The following SCUBE1 variants were observed in gnomAD, a reference collection of about 807,000 sequenced individuals.
The protein encoded by SCUBE1 is signal peptide, CUB domain and EGF like domain containing 1.
SCUBE1 carries 59 observed loss-of-function variants against 124.4 expected under a neutral mutation model. That is an observed-to-expected ratio of 0.47 (90% confidence interval 0.38 to 0.59). The LOEUF is 0.59. Among genes scored for constraint, SCUBE1 ranks in the 20% least tolerant of loss-of-function variants. The pLI is 0.00. For missense variants in SCUBE1, 1,150 were observed against 1,371.2 expected (o/e 0.84, Z 2.55); for synonymous variants, 545 against 550.9 (o/e 0.99, Z 0.15).
Position 43,343,207 on chromosome 22 carries a change from G to A in SCUBE1, c.55C>T (p.Arg19Cys), listed in dbSNP as rs1360071593. Residue 19 changes from arginine to cysteine, a missense_variant, in exon 1 of 22, where the codon CGC (arginine) becomes TGC (cysteine). Physicochemically the swap from Arg to Cys is radical, Grantham distance 180. Coordinates refer to ENST00000360835, the MANE Select transcript of SCUBE1 (RefSeq NM_173050.5). Reference protein sequence around the residue: ...HLCVLLALGTRGRLAGGSGLP... With the variant: ...HLCVLLALGTCGRLAGGSGLP... ...CCGCTGCCCCCGGCCAGCCGCCCGC[G>A]TGTGCCCAGGGCCAGCAGCACGCAC... The A allele has an allele frequency of 2.5e-6, 3 of 1,207,476 alleles. No individual in the cohort carries two copies. The highest frequency in any genetic ancestry group is 3.1e-6 in the Non-Finnish European group (3 of 966,894). 74.8% of individuals were successfully genotyped at this position (1,207,476 alleles called of 1,614,324 possible).
At position 43,203,505 on chromosome 22, in the gene SCUBE1, G is replaced by A. The variant is rs114922639; in HGVS notation, c.*492C>T. The A allele has an allele frequency of 0.016, 2,502 of 157,490 alleles. 77 individuals are homozygous for A. The highest frequency in any genetic ancestry group is 0.058 in the African/African-American group (2,403 of 41,514). The allele number at this position is 157,490 out of a possible 1,614,324, so 9.8% of individuals were successfully genotyped here. ...CAGAACCCTTAGAGCGCAACAGCCCGGAGCCGTGGCCTTGCCTGTGGCTGG... is the reference window on the plus strand; with the variant it reads ...CAGAACCCTTAGAGCGCAACAGCCCAGAGCCGTGGCCTTGCCTGTGGCTGG... On this transcript the variant is annotated 3_prime_UTR_variant, in exon 22 of 22. Transcript: ENST00000360835.
At chr22:43,331,848 C>A (rs1055963475) in intron 2 of SCUBE1, among the ~76,000 whole-genome samples, 1 of 152,138 alleles carries the variant, frequency 6.6e-6, no homozygotes, top group African/African-American at 2.4e-5. Context: ...AAGGCCCATG[C>A]CCCAGGGGCC....
rs909587531 is a variant in SCUBE1, at chr22:43,209,960, C to T, written c.2581+83G>A. Reference sequence around the variant, plus strand: ...CCTCCTCTCTGCCCTGTGAAGGCAGCGATCCCGCCTGGCAGAACCGCAGCG... The same window carrying T: ...CCTCCTCTCTGCCCTGTGAAGGCAGTGATCCCGCCTGGCAGAACCGCAGCG... On this transcript the variant is annotated intron_variant, in intron 19 of 21. Transcript: ENST00000360835. 68 of 1,427,098 alleles carry T rather than the reference C, an allele frequency of 4.8e-5. 1 individual carries two copies. The highest frequency in any genetic ancestry group is 2.4e-4 in the South Asian group (18 of 74,560). The allele number at this position is 1,427,098 out of a possible 1,614,324, so 88.4% of individuals were successfully genotyped here. A position where few individuals can be genotyped will look rare whatever the true frequency, so the allele number is the denominator to read the frequency against.
chr22:43,340,429 T>C (rs1245824612), intron 1 of SCUBE1, among the ~76,000 whole-genome samples: 3 of 151,518 alleles, frequency 2.0e-5, no homozygotes, highest in Admixed American at 1.3e-4. Context: ...GCAAAATAGA[T>C]TCTGTGTATC....
chr22:43,243,063 G>A (rs529744292), intron 6 of SCUBE1, among the ~76,000 whole-genome samples: 10 of 152,334 alleles, frequency 6.6e-5, no homozygotes, highest in South Asian at 6.2e-4. Flanking sequence ...GAAACCAATC[G>A]TGGGCCCTTC....
chr22:43,205,862 C>T (rs1921235474), intron 21 of SCUBE1, among the ~76,000 whole-genome samples: 2 of 116,512 alleles, frequency 1.7e-5, no homozygotes, highest in Non-Finnish European at 1.8e-5. Flanking sequence ...CACTCACCCC[C>T]ACACACACCA....
At position 43,343,175 on chromosome 22, in the gene SCUBE1, T is replaced by C; in HGVS notation, c.87A>G (p.Pro29=). 1 of 1,172,112 alleles carries C rather than the reference T, an allele frequency of 8.5e-7. No individual in the cohort carries two copies. 72.6% of individuals were successfully genotyped at this position (1,172,112 alleles called of 1,614,324 possible). The change falls in exon 1 of 22, where the codon CCA becomes CCG. Residue 29 remains proline (P), a splice_region_variant and synonymous_variant. Transcript: ENST00000360835. ...RGRLAGGSGL[P]GSVDVDECSE... ...CCCCCACCTCGGTCGGGGGCTTACC[T>C]GGGAGCCCGCTGCCCCCGGCCAGCC...
chr22:43,301,936 G>A (rs1925788507), intron 3 of SCUBE1, among the ~76,000 whole-genome samples: 2 of 152,250 alleles, frequency 1.3e-5, no homozygotes, highest in African/African-American at 2.4e-5. Context: ...GCTGCCGTAT[G>A]CTGCAAAGTG....
chr22:43,330,949 C>T (rs1330399333), intron 2 of SCUBE1, among the ~76,000 whole-genome samples: 1 of 152,136 alleles, frequency 6.6e-6, no homozygotes, highest in Non-Finnish European at 1.5e-5. Flanking sequence ...CCCCTTCTCT[C>T]CCCGCTGAGC....
At position 43,319,859 on chromosome 22, in the gene SCUBE1, T is replaced by C. The variant is rs1926483058; in HGVS notation, c.349+78A>G. Reference sequence around the variant, plus strand: ...AGCCAAAGGAAGGAGAACCTTCTCATGGCTCCCAACTCTGTAAGCTGGAGC... The same window carrying C: ...AGCCAAAGGAAGGAGAACCTTCTCACGGCTCCCAACTCTGTAAGCTGGAGC... On this transcript the variant is annotated intron_variant, in intron 3 of 21. Coordinates refer to ENST00000360835, the MANE Select transcript of SCUBE1 (RefSeq NM_173050.5). 7.8e-6 allele frequency: 12 copies of C among 1,541,558 alleles called. No individual in the cohort carries two copies. In the South Asian group the frequency reaches 1.2e-4, roughly 16 times the overall value.
intron 6 of SCUBE1, among the ~76,000 whole-genome samples, chr22:43,243,080 C>T (rs929605975): frequency 9.2e-5 from 14 of 152,194 alleles, no homozygotes; most frequent in Admixed American, 1.3e-4. Flanking sequence ...CTTCTAAGGG[C>T]GGGGTCCTGG....
At chr22:43,340,794 G>T (rs1310419578) in intron 1 of SCUBE1, among the ~76,000 whole-genome samples, 1 of 152,192 alleles carries the variant, frequency 6.6e-6, no homozygotes, top group South Asian at 2.1e-4. Context: ...CAGGAGTGCA[G>T]CAGTGCAAGG....
At chr22:43,235,849 C>G (rs1285357554) in intron 7 of SCUBE1, among the ~76,000 whole-genome samples, 1 of 152,074 alleles carries the variant, frequency 6.6e-6, no homozygotes, top group African/African-American at 2.4e-5. Flanking sequence ...TAACCACCTC[C>G]CAACACCAAA....
In SCUBE1 at chr22:43,222,564, T is replaced by A. The variant is rs1922135101; in HGVS notation, c.1432+74A>T. The A allele has an allele frequency of 5.0e-6, 6 of 1,191,128 alleles. No homozygotes were observed. In the South Asian group the frequency reaches 8.0e-5, roughly 16 times the overall value. The allele number at this position is 1,191,128 out of a possible 1,614,324, so 73.8% of individuals were successfully genotyped here. ...GTCTTCCCTGGGCGGTGCCCTTTCC[T>A]CCCCCGCCAGCATGTTGCTGGATGC... is the stretch of plus-strand genomic sequence containing the variant. On this transcript the variant is annotated intron_variant, in intron 12 of 21. Transcript: ENST00000360835.
At position 43,202,156 on chromosome 22, in the gene SCUBE1, T is replaced by A. The variant is rs1279503079; in HGVS notation, c.*1841A>T. The A allele has an allele frequency of 6.6e-6, 1 of 152,134 alleles. No individual in the cohort carries two copies. Among genetic ancestry groups the A allele is most frequent in the Non-Finnish European group, 1.5e-5 (1 of 68,024 alleles). 9.4% of individuals were successfully genotyped at this position (152,134 alleles called of 1,614,324 possible). On this transcript the variant is annotated 3_prime_UTR_variant, in exon 22 of 22. Transcript: ENST00000360835. ...CTGTGGGCACATGTGACGGCGTGAG[T>A]AATTGCTGAGCTCCGGGCCCTCTTT... is the stretch of plus-strand genomic sequence containing the variant.
rs1921119400 is a variant in SCUBE1 at position 43,204,084 on chromosome 22, T to A, written c.2880A>T (p.Thr960=). 1.2e-6 allele frequency: 2 copies of A among 1,614,036 alleles called. No homozygotes were observed. The highest frequency in any genetic ancestry group is 1.7e-6 in the Non-Finnish European group (2 of 1,180,006). ...GGAACATCTCCTTGGATTCCTGGGC[T>A]GTGTACTTGAAGTAGTTCTGGGGAT... ...LAHPQNYFKY[T]AQESKEMFPR... Residue 960 remains threonine (T), a synonymous_variant, in exon 22 of 22, where the codon ACA becomes ACT. Coordinates refer to ENST00000360835, the MANE Select transcript of SCUBE1 (RefSeq NM_173050.5).
At chr22:43,216,868 C>T (rs1393621091) in intron 15 of SCUBE1, among the ~76,000 whole-genome samples, 3 of 118,210 alleles carry the variant, frequency 2.5e-5, no homozygotes, top group African/African-American at 9.6e-5. Context: ...CCCCCACCCA[C>T]CCCCCGCCAG....
At chr22:43,289,656 C>T (rs1429396516) in intron 4 of SCUBE1, among the ~76,000 whole-genome samples, 1 of 152,268 alleles carries the variant, frequency 6.6e-6, no homozygotes, top group East Asian at 1.9e-4. Flanking sequence ...TCACAGCCTC[C>T]TGCCTGCTCA....
chr22:43,287,597 C>A (rs1457633171), intron 4 of SCUBE1, among the ~76,000 whole-genome samples: 1 of 152,254 alleles, frequency 6.6e-6, no homozygotes, highest in African/African-American at 2.4e-5. Context: ...CAACCCCTCT[C>A]ATGCATCTGG....
Sources: allele counts gnomAD v4.1 joint callset (sites outside exome capture counted in the v4.1 genomes callset), GRCh38; gene constraint gnomAD v4.1.1; transcripts MANE v1.5; gene names NCBI Gene and HGNC (gene_info 2026-07-23, HGNC 2026-07-21).